The following PCDHGA5 variants were observed in gnomAD, a reference collection of about 807,000 sequenced individuals.
PCDHGA5 encodes protocadherin gamma subfamily A, 5, also known as protocadherin gamma-A5.
In PCDHGA5, 36 loss-of-function variants were observed where a neutral mutation model predicts 56.7. The ratio of observed to expected loss-of-function variants is 0.64; its 90% CI spans 0.49 to 0.84. PCDHGA5 has a LOEUF of 0.84. Ranked by LOEUF, PCDHGA5 falls within the 40% of genes least tolerant of loss-of-function variation. PCDHGA5 has a pLI of 0.00. For synonymous variants in PCDHGA5, 563 were observed against 520.2 expected, an observed-to-expected ratio of 1.08 and a Z score of -1.12; for missense variants, 1,305 against 1,201.5, an observed-to-expected ratio of 1.09 and a Z score of -1.27.
chr5:141,476,236 AAG>A lies in PCDHGA5; in HGVS notation c.2422-18565_2422-18564del. ...TCATTCACTATGAGATCCCGGAGGA[AAG>A]AGAGAAGGGTTTCGCTGTGGGCAAC... is the stretch of plus-strand genomic sequence containing the variant. On this transcript the variant is annotated intron_variant, in intron 1 of 3. Transcript: ENST00000518069. The surrounding 1 kb of genome is among the most constrained non-coding windows in gnomAD (Gnocchi z 7.6). 2.5e-6 allele frequency: 4 copies of A among 1,613,980 alleles called. No individual in the cohort carries two copies. Among genetic ancestry groups the A allele is most frequent in the Non-Finnish European group, 3.4e-6 (4 of 1,180,004 alleles).
chr5:141,389,339 C>G, intron 1 of PCDHGA5: 2 of 1,614,010 alleles, frequency 1.2e-6, no homozygotes, highest in Middle Eastern at 1.6e-4. Flanking sequence ...ACGGCCAAGT[C>G]TCTTACTGCA....
intron 1 of PCDHGA5, among the ~76,000 whole-genome samples, chr5:141,454,062 A>T (rs548960162): frequency 6.6e-6 from 1 of 152,380 alleles, no homozygotes; most frequent in East Asian, 1.9e-4. Context: ...CAAAGAAACA[A>T]AAGTGATAAT....
chr5:141,476,825 G>A lies in PCDHGA5; in HGVS notation c.2422-17982G>A. ...GCCTATTCACATCAAGGTGCTGGACGCGAATGACAATGCGCCTGTCTTCAA... is the reference window on the plus strand; with the variant it reads ...GCCTATTCACATCAAGGTGCTGGACACGAATGACAATGCGCCTGTCTTCAA... On this transcript the variant is annotated intron_variant, in intron 1 of 3. Transcript: ENST00000518069. The surrounding 1 kb of genome is among the most constrained non-coding windows in gnomAD (Gnocchi z 7.6). 6.2e-7 allele frequency: 1 copy of A among 1,613,554 alleles called. No individual in the cohort carries two copies. Among genetic ancestry groups the A allele is most frequent in the East Asian group, 2.2e-5 (1 of 44,870 alleles).
chr5:141,490,644 T>C lies in PCDHGA5; in HGVS notation c.2422-4163T>C. The C allele has an allele frequency of 6.2e-7, 1 of 1,614,188 alleles. No homozygotes were observed. Among genetic ancestry groups the C allele is most frequent in the Non-Finnish European group, 8.5e-7 (1 of 1,180,016 alleles). On this transcript the variant is annotated intron_variant, in intron 1 of 3. Coordinates refer to ENST00000518069, the MANE Select transcript of PCDHGA5 (RefSeq NM_018918.3). The surrounding 1 kb of genome is among the most constrained non-coding windows in gnomAD (Gnocchi z 5.4). Reference sequence around the variant, plus strand: ...CTGCTTACATCCTAGAAAACCGGCCTCCGGGCTCCCTTCTTTGCACTGTGG... The same window carrying C: ...CTGCTTACATCCTAGAAAACCGGCCCCCGGGCTCCCTTCTTTGCACTGTGG...
chr5:141,394,491 C>G, intron 1 of PCDHGA5: 1 of 1,614,234 alleles, frequency 6.2e-7, no homozygotes, highest in East Asian at 2.2e-5. Flanking sequence ...TGACAACGCG[C>G]CCGAGATCCT....
chr5:141,487,031 G>A lies in PCDHGA5; in HGVS notation c.2422-7776G>A, dbSNP rs749130369. 1.2e-6 allele frequency: 2 copies of A among 1,614,182 alleles called. No homozygotes were observed. Among genetic ancestry groups the A allele is most frequent in the Non-Finnish European group, 1.7e-6 (2 of 1,180,028 alleles). On this transcript the variant is annotated intron_variant, in intron 1 of 3. Coordinates refer to ENST00000518069, the MANE Select transcript of PCDHGA5 (RefSeq NM_018918.3). The surrounding 1 kb of genome is among the most constrained non-coding windows in gnomAD (Gnocchi z 5.0). ...GGAGGCCCCAGATCCCAGCCTGTTT[G>A]CAGTCTCTCGATATGCTGGGGAGGT...
At chr5:141,484,399 CCGCTGTGTCT>C (rs1488164183) in intron 1 of PCDHGA5, among the ~76,000 whole-genome samples, 4 of 152,186 alleles carry the variant, frequency 2.6e-5, no homozygotes, top group Non-Finnish European at 4.4e-5. Context: ...GGTTTGGTTT[CCGCTGTGTCT>C]CCTGTTACAA....
chr5:141,372,098 G>A lies in PCDHGA5; in HGVS notation c.2421+5347G>A. ...CGCTGGTGCTGTACCCAGCTCTGGG[G>A]CCCGAAGGCTCTGCGCTCTTCGATA... On this transcript the variant is annotated intron_variant, in intron 1 of 3. Transcript: ENST00000518069. The A allele has an allele frequency of 2.5e-6, 4 of 1,613,794 alleles. No individual in the cohort carries two copies. In the South Asian group the frequency reaches 4.4e-5, roughly 18 times the overall value.
At chr5:141,393,479 C>A (rs375589587) in intron 1 of PCDHGA5, 1 of 1,613,940 alleles carries the variant, frequency 6.2e-7, no homozygotes, top group Non-Finnish European at 8.5e-7. Flanking sequence ...AGCCGCCTCG[C>A]TCTAGCACAG....
At chr5:141,483,104 A>G (rs2099577128) in intron 1 of PCDHGA5, among the ~76,000 whole-genome samples, 1 of 152,140 alleles carries the variant, frequency 6.6e-6, no homozygotes, top group African/African-American at 2.4e-5. Flanking sequence ...GTGTGCGTGT[A>G]AAACAGACAG....
rs752999009 is a variant in PCDHGA5, at chr5:141,409,899, C to T, written c.2421+43148C>T. 4 of 1,613,152 alleles carry T rather than the reference C, an allele frequency of 2.5e-6. No individual in the cohort carries two copies. The East Asian group carries it at 8.9e-5, about 36-fold the overall frequency. ...AACGCACCGCGGGTGCTGTACCCAG[C>T]TCTGGGTCCTGACGGCTCCGCGTTC... On this transcript the variant is annotated intron_variant, in intron 1 of 3. Coordinates refer to ENST00000518069, the MANE Select transcript of PCDHGA5 (RefSeq NM_018918.3).
chr5:141,437,223 C>G (rs555637738), intron 1 of PCDHGA5, among the ~76,000 whole-genome samples: 1 of 152,198 alleles, frequency 6.6e-6, no homozygotes, highest in Admixed American at 6.5e-5. Context: ...TGATTCCAGT[C>G]ATAAAATTAT....
chr5:141,485,663 A>G lies in PCDHGA5; in HGVS notation c.2422-9144A>G, dbSNP rs1594506698. ...AAAGGCTCAGGATGCAGATGTGGGG[A>G]GCAATTCGATTAGCAGCTATAGGCT... On this transcript the variant is annotated intron_variant, in intron 1 of 3. Transcript: ENST00000518069. The surrounding 1 kb of genome is among the most constrained non-coding windows in gnomAD (Gnocchi z 5.7). The G allele has an allele frequency of 1.2e-6, 2 of 1,612,638 alleles. No homozygotes were observed. Among genetic ancestry groups the G allele is most frequent in the East Asian group, 4.5e-5 (2 of 44,840 alleles).
At chr5:141,420,748 C>G (rs2096523185) in intron 1 of PCDHGA5, among the ~76,000 whole-genome samples, 1 of 152,214 alleles carries the variant, frequency 6.6e-6, no homozygotes, top group Non-Finnish European at 1.5e-5. Context: ...TTGGAACCAA[C>G]TACAACCTAC....
chr5:141,423,804 T>C (rs571396807), intron 1 of PCDHGA5: 50 of 1,240,508 alleles, frequency 4.0e-5, no homozygotes, highest in African/African-American at 2.7e-4. Flanking sequence ...GAGCAATACA[T>C]GTGAGTTTTA....
In PCDHGA5 at chr5:141,491,727, G is replaced by C; in HGVS notation, c.2422-3080G>C. On this transcript the variant is annotated intron_variant, in intron 1 of 3. Transcript: ENST00000518069. This position sits in a 1 kb window ranked among gnomAD's most constrained non-coding sequence, Gnocchi z 6.9. ...TGAGGGGCTCGGCGCCGCCCCGGGC[G>C]ACCCCTGGGGGCGGCACTGGAGAAG... 6.2e-7 allele frequency: 1 copy of C among 1,604,916 alleles called. No individual in the cohort carries two copies. The highest frequency in any genetic ancestry group is 8.5e-7 in the Non-Finnish European group (1 of 1,176,284).
At chr5:141,467,064 T>C (rs1289790911) in intron 1 of PCDHGA5, among the ~76,000 whole-genome samples, 2 of 151,724 alleles carry the variant, frequency 1.3e-5, no homozygotes, top group Middle Eastern at 3.2e-3. Context: ...TCTTTTTTTT[T>C]TTTTTTTAGA....
At position 141,489,577 on chromosome 5, in the gene PCDHGA5, C is replaced by A. The variant is rs918238376; in HGVS notation, c.2422-5230C>A. The stretch of plus-strand genomic sequence containing the variant: ...GCCAGTGCAGGTGGTGACTGAACAC[C>A]CCCTGGAGCTAATCCGTGTAGAGGT... On this transcript the variant is annotated intron_variant, in intron 1 of 3. Coordinates refer to ENST00000518069, the MANE Select transcript of PCDHGA5 (RefSeq NM_018918.3). This position sits in a 1 kb window ranked among gnomAD's most constrained non-coding sequence, Gnocchi z 4.5. The A allele has an allele frequency of 6.2e-7, 1 of 1,613,894 alleles. No individual in the cohort carries two copies. The highest frequency in any genetic ancestry group is 8.5e-7 in the Non-Finnish European group (1 of 1,180,000).
chr5:141,429,672 A>G (rs1036863132), intron 1 of PCDHGA5, among the ~76,000 whole-genome samples: 1 of 152,210 alleles, frequency 6.6e-6, no homozygotes, highest in African/African-American at 2.4e-5. Context: ...ATATTATTTT[A>G]TTTTATGCCT....
Sources: gnomAD v4.1 joint callset for allele counts (sites outside exome capture counted in the v4.1 genomes callset) on GRCh38, gnomAD v4.1.1 for gene constraint, Gnocchi (gnomAD v3.1) non-coding constraint, MANE v1.5 for transcripts, NCBI Gene and HGNC (gene_info 2026-07-23, HGNC 2026-07-21) for gene names.